Variants in IL18 observed in about 807,000 individuals in gnomAD.
IL18 encodes interleukin-18.
In IL18, 8 loss-of-function variants were observed where a neutral mutation model predicts 14.2. The observed-to-expected ratio is 0.56, with a 90% CI of 0.33 to 1.01. The LOEUF (loss-of-function observed/expected upper bound fraction) is 1.01, where lower values mean the gene tolerates loss of function less well. IL18 is among the 50% of genes least tolerant of loss of function. The pLI, the probability that IL18 is intolerant of heterozygous loss-of-function variation, is 0.03. For missense variants in IL18, 166 were observed against 231.1 expected (o/e 0.72, Z 1.83); for synonymous variants, 67 against 71.0 (o/e 0.94, Z 0.28).
intron 3 of IL18, among the ~76,000 whole-genome samples, chr11:112,151,968 G>T (rs962647026): frequency 6.6e-6 from 1 of 152,080 alleles, no homozygotes; most frequent in African/African-American, 2.4e-5. Flanking sequence ...CATTTCCTCT[G>T]ATTTGTCTTT....
intron 3 of IL18, among the ~76,000 whole-genome samples, chr11:112,152,782 G>T (rs990256786): frequency 6.6e-6 from 1 of 152,166 alleles, no homozygotes; most frequent in African/African-American, 2.4e-5. Context: ...ATATCATCAG[G>T]TTGCTTCCAG....
chr11:112,160,358 T>C (rs1281882694), intron 1 of IL18, among the ~76,000 whole-genome samples: 1 of 148,072 alleles, frequency 6.8e-6, no homozygotes, highest in Non-Finnish European at 1.5e-5. Context: ...TTTCATCCCG[T>C]AACTCCCAGC....
chr11:112,149,224 G>A (rs1355244810), intron 4 of IL18, among the ~76,000 whole-genome samples: 2 of 150,588 alleles, frequency 1.3e-5, no homozygotes, highest in Non-Finnish European at 3.0e-5. Flanking sequence ...CGTGGGAGGT[G>A]GAGGTTGTAG....
intron 2 of IL18, among the ~76,000 whole-genome samples, chr11:112,154,631 T>A (rs998029294): frequency 6.6e-6 from 1 of 152,250 alleles, no homozygotes. Context: ...TGGGAAATTG[T>A]ATTTCCTGAA....
At chr11:112,161,368 C>T (rs1866629016) in intron 1 of IL18, among the ~76,000 whole-genome samples, 1 of 152,170 alleles carries the variant, frequency 6.6e-6, no homozygotes, top group Non-Finnish European at 1.5e-5. Context: ...ATTCTAGACT[C>T]TAGTTAAAGC....
chr11:112,150,219 T>C lies in IL18; in HGVS notation c.92-13A>G. The stretch of plus-strand genomic sequence containing the variant: ...GATTCCAGGTTTTCTACAATAAACA[T>C]TAAATCTCATTTAAAAATACATAGT... On this transcript the variant is annotated splice_polypyrimidine_tract_variant and intron_variant, in intron 3 of 5. Transcript: ENST00000280357. 1.4e-6 allele frequency: 2 copies of C among 1,479,852 alleles called. No individual in the cohort carries two copies. The highest frequency in any genetic ancestry group is 1.9e-6 in the Non-Finnish European group (2 of 1,067,650). 91.7% of individuals were successfully genotyped at this position (1,479,852 alleles called of 1,614,324 possible). A position where few individuals can be genotyped will look rare whatever the true frequency, so the allele number is the denominator to read the frequency against.
intron 5 of IL18, among the ~76,000 whole-genome samples, chr11:112,146,458 T>C (rs5744274): frequency 6.6e-6 from 1 of 152,140 alleles, no homozygotes; most frequent in African/African-American, 2.4e-5. Flanking sequence ...GTAGCTGGGA[T>C]TACAGGTGCA....
intron 1 of IL18, 67 bp from the exon 2 acceptor site, chr11:112,155,128 C>T: frequency 1.1e-6 from 1 of 896,010 alleles, no homozygotes; most frequent in South Asian, 1.5e-5. Flanking sequence ...CTTTATACTA[C>T]CTTCAAGTTC....
intron 1 of IL18, among the ~76,000 whole-genome samples, chr11:112,162,349 T>C (rs1209932525): frequency 5.3e-5 from 8 of 150,830 alleles, no homozygotes. Flanking sequence ...TTCTTTTTTT[T>C]TTTTTTTTTG....
Position 112,155,193 on chromosome 11 carries a change from G to A in IL18, c.-8-132C>T, listed in dbSNP as rs360721. 3.6e-5 allele frequency: 19 copies of A among 534,296 alleles called. 1 individual carries two copies. The South Asian group carries it at 4.3e-4, about 12-fold the overall frequency. The allele number at this position is 534,296 out of a possible 1,614,324, so 33.1% of individuals were successfully genotyped here. A position where few individuals can be genotyped will look rare whatever the true frequency, so the allele number is the denominator to read the frequency against. On this transcript the variant is annotated intron_variant, in intron 1 of 5. Transcript: ENST00000280357. ...TGAACAATCTTGACATTCAATAAAT[G>A]CCAGAAGTTTCAGCTTATGAATACC...
intron 4 of IL18, among the ~76,000 whole-genome samples, chr11:112,149,608 T>A (rs1176764319): frequency 7.3e-6 from 1 of 137,678 alleles, no homozygotes; most frequent in East Asian, 2.4e-4. Context: ...GGTCTGTATA[T>A]CACCCAGGCT....
chr11:112,143,508 C>G lies in IL18; in HGVS notation c.*88G>C, dbSNP rs1866281034. 2.5e-6 allele frequency: 2 copies of G among 797,092 alleles called. No individual in the cohort carries two copies. Among genetic ancestry groups the G allele is most frequent in the Non-Finnish European group, 4.0e-6 (2 of 494,008 alleles). 49.4% of individuals were successfully genotyped at this position (797,092 alleles called of 1,614,324 possible). A position where few individuals can be genotyped will look rare whatever the true frequency, so the allele number is the denominator to read the frequency against. The stretch of plus-strand genomic sequence containing the variant: ...TGTTGGTCAGGCTGGTCTTGAACAC[C>G]TGACCTCTGGTGATCTGCCCGCCTC... On this transcript the variant is annotated 3_prime_UTR_variant, in exon 6 of 6. Coordinates refer to ENST00000280357, the MANE Select transcript of IL18 (RefSeq NM_001562.4).
chr11:112,144,480 C>T (rs1464209509), intron 5 of IL18, among the ~76,000 whole-genome samples: 1 of 152,226 alleles, frequency 6.6e-6, no homozygotes, highest in Non-Finnish European at 1.5e-5. Flanking sequence ...CTCCTGGCCT[C>T]AAGTGACCCT....
chr11:112,160,146 T>C (rs1866604216), intron 1 of IL18, among the ~76,000 whole-genome samples: 1 of 152,144 alleles, frequency 6.6e-6, no homozygotes, highest in African/African-American at 2.4e-5. Flanking sequence ...CTCCAGAATT[T>C]GGTATCTCCT....
chr11:112,158,713 A>C (rs1866578080), intron 1 of IL18, among the ~76,000 whole-genome samples: 1 of 152,152 alleles, frequency 6.6e-6, no homozygotes, highest in South Asian at 2.1e-4. Context: ...AGTATAAGAG[A>C]CACTTGCATG....
At chr11:112,160,994 TTAACTC>T (rs1215589531) in intron 1 of IL18, among the ~76,000 whole-genome samples, 1 of 152,180 alleles carries the variant, frequency 6.6e-6, no homozygotes, top group Non-Finnish European at 1.5e-5. Flanking sequence ...TTTCTTTGCT[TTAACTC>T]TAATCTATGA....
At chr11:112,158,643 T>C (rs1250408195) in intron 1 of IL18, among the ~76,000 whole-genome samples, 1 of 151,862 alleles carries the variant, frequency 6.6e-6, no homozygotes, top group Middle Eastern at 3.2e-3. Context: ...TCTGAAGAAC[T>C]TCTGAGTTAT....
At chr11:112,160,198 C>T (rs548105134) in intron 1 of IL18, among the ~76,000 whole-genome samples, 1 of 152,106 alleles carries the variant, frequency 6.6e-6, no homozygotes, top group East Asian at 1.9e-4. Flanking sequence ...GCCCTCATTA[C>T]CCCTGGCATC....
Position 112,143,755 on chromosome 11 carries a change from A to G in IL18, c.423T>C (p.Ser141=), listed in dbSNP as rs1336899584. 6.2e-7 allele frequency: 1 copy of G among 1,612,938 alleles called. No individual in the cohort carries two copies. The highest frequency in any genetic ancestry group is 8.5e-7 in the Non-Finnish European group (1 of 1,179,064). ...GCATCTTATTATCATGTCCTGGGAC[A>G]CTTCTCTGAAAGAATATGATGTCAC... ...TKSDIIFFQR[S]VPGHDNKMQF... Residue 141 remains serine (S), a synonymous_variant, in exon 6 of 6, where the codon AGT becomes AGC. Coordinates refer to ENST00000280357, the MANE Select transcript of IL18 (RefSeq NM_001562.4).
Sources: allele counts gnomAD v4.1 joint callset (sites outside exome capture counted in the v4.1 genomes callset), GRCh38; gene constraint gnomAD v4.1.1; transcripts MANE v1.5; gene names NCBI Gene and HGNC (gene_info 2026-07-23, HGNC 2026-07-21).